Variants in KLHL29 observed in about 807,000 individuals in gnomAD.
The protein encoded by KLHL29 is kelch like family member 29, also known as kelch-like protein 29.
Under a neutral mutation model 80.4 loss-of-function variants are expected in KLHL29, and 21 were observed. The observed-to-expected ratio is 0.26, with a 90% CI of 0.19 to 0.38. The LOEUF is 0.38. KLHL29 is among the 10% of genes least tolerant of loss of function. The pLI is 1.00. For missense variants in KLHL29, 867 were observed against 1,223.9 expected (o/e 0.71, Z 4.35); for synonymous variants, 511 against 526.8 (o/e 0.97, Z 0.41).
At chr2:23,539,866 T>G (rs1232917079) in intron 2 of KLHL29, among the ~76,000 whole-genome samples, 3 of 152,172 alleles carry the variant, frequency 2.0e-5, no homozygotes, top group African/African-American at 4.8e-5. Flanking sequence ...TCTGAGCGAT[T>G]ATCCCCTAAA....
At chr2:23,456,563 C>A (rs1309154131) in intron 1 of KLHL29, among the ~76,000 whole-genome samples, 1 of 152,262 alleles carries the variant, frequency 6.6e-6, no homozygotes, top group Non-Finnish European at 1.5e-5. Context: ...GCGTCTAGCA[C>A]CCACGAGTGA....
intron 1 of KLHL29, among the ~76,000 whole-genome samples, chr2:23,449,826 G>A (rs1186356740): frequency 6.6e-6 from 1 of 152,158 alleles, no homozygotes; most frequent in Non-Finnish European, 1.5e-5. Context: ...TTGGATGAGA[G>A]GCGTGGAGAA....
intron 1 of KLHL29, among the ~76,000 whole-genome samples, chr2:23,404,738 TC>T (rs1666684319): frequency 6.6e-6 from 1 of 152,242 alleles, no homozygotes; most frequent in African/African-American, 2.4e-5. Flanking sequence ...AGCCAACACT[TC>T]CGGCCAGGAA....
intron 11 of KLHL29, among the ~76,000 whole-genome samples, chr2:23,701,975 G>A (rs1184020726): frequency 2.1e-5 from 2 of 95,388 alleles, no homozygotes; most frequent in Non-Finnish European, 4.3e-5. Context: ...ACCATGCCCA[G>A]CTAATTTTTT....
At chr2:23,704,698 C>T (rs544757055) in intron 13 of KLHL29, among the ~76,000 whole-genome samples, 13 of 152,208 alleles carry the variant, frequency 8.5e-5, no homozygotes, top group African/African-American at 2.4e-4. Flanking sequence ...ACCCGGGAGG[C>T]GGAGGTTGCA....
chr2:23,538,137 AAGT>A (rs1225610625), intron 2 of KLHL29, among the ~76,000 whole-genome samples: 1 of 152,146 alleles, frequency 6.6e-6, no homozygotes, highest in Non-Finnish European at 1.5e-5. Context: ...TACCACCAAT[AAGT>A]AGCAGAACTA....
chr2:23,396,867 C>G (rs1666465443), intron 1 of KLHL29, among the ~76,000 whole-genome samples: 1 of 152,134 alleles, frequency 6.6e-6, no homozygotes, highest in African/African-American at 2.4e-5. Flanking sequence ...TACGATGATT[C>G]TCAGTTTTAA....
chr2:23,515,676 G>A (rs958580669), intron 2 of KLHL29, among the ~76,000 whole-genome samples: 2 of 152,246 alleles, frequency 1.3e-5, no homozygotes, highest in African/African-American at 4.8e-5. Flanking sequence ...CTGTGAACGA[G>A]GATCTAAATG....
chr2:23,434,597 T>C (rs929659234), intron 1 of KLHL29, among the ~76,000 whole-genome samples: 1 of 152,146 alleles, frequency 6.6e-6, no homozygotes, highest in African/African-American at 2.4e-5. Flanking sequence ...GAAGAGACAT[T>C]GAGAGTCCTT....
chr2:23,461,866 C>T (rs1207906718), intron 1 of KLHL29, among the ~76,000 whole-genome samples: 1 of 151,736 alleles, frequency 6.6e-6, no homozygotes. Flanking sequence ...CATTAGGAGC[C>T]CTAATGAGAA....
intron 2 of KLHL29, among the ~76,000 whole-genome samples, chr2:23,536,817 A>G (rs1666676605): frequency 6.6e-6 from 1 of 152,014 alleles, no homozygotes; most frequent in African/African-American, 2.4e-5. Flanking sequence ...TGCCTATAGT[A>G]AAGGAAAGAG....
chr2:23,420,580 A>T (rs1234381803), intron 1 of KLHL29, among the ~76,000 whole-genome samples: 1 of 152,160 alleles, frequency 6.6e-6, no homozygotes, highest in Non-Finnish European at 1.5e-5. Flanking sequence ...ATGTCAACTG[A>T]TAGATCGTGT....
intron 3 of KLHL29, among the ~76,000 whole-genome samples, chr2:23,627,781 G>T: frequency 6.6e-6 from 1 of 152,124 alleles, no homozygotes; most frequent in East Asian, 1.9e-4. Flanking sequence ...CTGGGAGTCA[G>T]TGTCGTGAGT....
At chr2:23,646,927 G>A (rs186746203) in intron 5 of KLHL29, among the ~76,000 whole-genome samples, 66 of 152,298 alleles carry the variant, frequency 4.3e-4, no homozygotes, top group Non-Finnish European at 7.8e-4. Context: ...GGACATGTCC[G>A]TACATAGCAC....
chr2:23,470,008 G>C (rs918584912), intron 1 of KLHL29, among the ~76,000 whole-genome samples: 3 of 148,792 alleles, frequency 2.0e-5, no homozygotes, highest in Non-Finnish European at 4.4e-5. Context: ...GGGGTCTGCT[G>C]TGTATCAAAA....
intron 2 of KLHL29, among the ~76,000 whole-genome samples, chr2:23,537,076 C>T (rs868549287): frequency 6.6e-6 from 1 of 152,124 alleles, no homozygotes; most frequent in Admixed American, 6.5e-5. Context: ...TACTCTGGTC[C>T]CACGCCACCT....
intron 3 of KLHL29, among the ~76,000 whole-genome samples, chr2:23,611,003 G>T (rs1253017364): frequency 6.6e-6 from 1 of 152,120 alleles, no homozygotes; most frequent in Admixed American, 6.6e-5. Flanking sequence ...GAAAGACAAT[G>T]AATAAGTAAC....
At chr2:23,660,377 C>A (rs1320255426) in intron 5 of KLHL29, among the ~76,000 whole-genome samples, 1 of 152,202 alleles carries the variant, frequency 6.6e-6, no homozygotes, top group Non-Finnish European at 1.5e-5. Context: ...GCTTGCCCTC[C>A]CTGGGAAAGT....
chr2:23,504,442 C>T (rs1309024175), intron 2 of KLHL29, among the ~76,000 whole-genome samples: 1 of 152,168 alleles, frequency 6.6e-6, no homozygotes, highest in Non-Finnish European at 1.5e-5. Context: ...GGGTCAGAGG[C>T]CTGGAGCTTT....
Sources: gnomAD v4.1 joint callset for allele counts (sites outside exome capture counted in the v4.1 genomes callset) on GRCh38, gnomAD v4.1.1 for gene constraint, MANE v1.5 for transcripts, NCBI Gene and HGNC (gene_info 2026-07-23, HGNC 2026-07-21) for gene names.